Variants in IFT140 observed in about 807,000 individuals in gnomAD.
The protein encoded by IFT140 is intraflagellar transport protein 140 homolog.
Under a neutral mutation model 164.6 loss-of-function variants are expected in IFT140, and 133 were observed. That is an observed-to-expected ratio of 0.81 (90% CI 0.70 to 0.93). The LOEUF (loss-of-function observed/expected upper bound fraction) is 0.93. Among genes scored for constraint, IFT140 ranks in the 40% least tolerant of loss-of-function variants. The pLI, the probability that IFT140 is intolerant of heterozygous loss-of-function variation, is 0.00. For missense variants in IFT140, 2,045 were observed against 1,972.3 expected, an observed-to-expected ratio of 1.04 and a Z score of -0.70; for synonymous variants, 860 against 817.3, an observed-to-expected ratio of 1.05 and a Z score of -0.89.
At chr16:1,534,268 C>A (rs754653931) in intron 19 of IFT140, 1 of 1,609,792 alleles carries the variant, frequency 6.2e-7, no homozygotes, top group Non-Finnish European at 8.5e-7. Context: ...GCGGCACCGG[C>A]GTCAGCGATG....
chr16:1,561,465 GC>G (rs1174610121), intron 18 of IFT140, among the ~76,000 whole-genome samples: 4 of 152,320 alleles, frequency 2.6e-5, no homozygotes, highest in African/African-American at 7.2e-5. Context: ...GTGTCCAGAA[GC>G]CAGAACCCTA....
At chr16:1,544,761 G>C (rs925386932) in intron 19 of IFT140, among the ~76,000 whole-genome samples, 1 of 151,552 alleles carries the variant, frequency 6.6e-6, no homozygotes, top group Non-Finnish European at 1.5e-5. Context: ...CCATTCTCCT[G>C]CCTCAGCCTC....
chr16:1,593,077 T>G (rs559164728), intron 4 of IFT140, among the ~76,000 whole-genome samples: 1 of 152,192 alleles, frequency 6.6e-6, no homozygotes, highest in Non-Finnish European at 1.5e-5. Context: ...GCAGAGTGAC[T>G]GGTGGAGGGA....
At position 1,553,439 on chromosome 16, in the gene IFT140, T is replaced by C; in HGVS notation, c.2399+4496A>G. On this transcript the variant is annotated intron_variant, in intron 19 of 30. Coordinates refer to ENST00000426508, the MANE Select transcript of IFT140 (RefSeq NM_014714.4). This position sits in a 1 kb window ranked among gnomAD's most constrained non-coding sequence, Gnocchi z 4.4. ...GCGGTTGGGAGTGGAGAGACCGGCA[T>C]GAACAGACGCACAGGTGTCAACATG... 1 of 985,390 alleles carries C rather than the reference T, an allele frequency of 1.0e-6. No homozygotes were observed. The highest frequency in any genetic ancestry group is 4.7e-5 in the South Asian group (1 of 21,280). The allele number at this position is 985,390 out of a possible 1,614,324, so 61.0% of individuals were successfully genotyped here. A position where few individuals can be genotyped will look rare whatever the true frequency, so the allele number is the denominator to read the frequency against.
chr16:1,546,908 G>A (rs1255136037), intron 19 of IFT140, among the ~76,000 whole-genome samples: 2 of 152,244 alleles, frequency 1.3e-5, no homozygotes, highest in African/African-American at 4.8e-5. Context: ...ACTTGGGCTA[G>A]CATGAGGAGG....
chr16:1,591,066 C>G (rs1471332871), intron 6 of IFT140, among the ~76,000 whole-genome samples: 1 of 152,214 alleles, frequency 6.6e-6, no homozygotes, highest in Admixed American at 6.5e-5. Flanking sequence ...AGTATTACCC[C>G]CTTTTCCACA....
chr16:1,526,575 A>G, intron 20 of IFT140, 44 bp downstream of exon 20: 1 of 1,451,576 alleles, frequency 6.9e-7, no homozygotes, highest in Non-Finnish European at 9.0e-7. Context: ...TGGCTGTGGC[A>G]GGCGTGGTGC....
Position 1,553,684 on chromosome 16 carries a change from A to C in IFT140, c.2399+4251T>G. 9.3e-7 allele frequency: 1 copy of C among 1,074,300 alleles called. No individual in the cohort carries two copies. Among genetic ancestry groups the C allele is most frequent in the Non-Finnish European group, 1.1e-6 (1 of 879,488 alleles). 66.5% of individuals were successfully genotyped at this position (1,074,300 alleles called of 1,614,324 possible). A position where few individuals can be genotyped will look rare whatever the true frequency, so the allele number is the denominator to read the frequency against. Reference sequence around the variant, plus strand: ...TGGGCAGAAGCGGGGCTGGGGCTGAAGGCTGGCTGGAGGCCCCATGGCCTC... The same window carrying C: ...TGGGCAGAAGCGGGGCTGGGGCTGACGGCTGGCTGGAGGCCCCATGGCCTC... On this transcript the variant is annotated intron_variant, in intron 19 of 30. Transcript: ENST00000426508. The surrounding 1 kb of genome is among the most constrained non-coding windows in gnomAD (Gnocchi z 4.4).
intron 19 of IFT140, 104 bp downstream of exon 19, chr16:1,557,831 G>A: frequency 9.1e-7 from 1 of 1,097,328 alleles, no homozygotes; most frequent in Non-Finnish European, 1.4e-6. Flanking sequence ...GCAGTCATGA[G>A]GAGTCAAATA....
rs148678744 is a variant in IFT140, at chr16:1,520,287, G to A, written c.3717C>T (p.Ser1239=). Residue 1239 remains serine (S), a synonymous_variant, in exon 28 of 31, where the codon AGC becomes AGT. Coordinates refer to ENST00000426508, the MANE Select transcript of IFT140 (RefSeq NM_014714.4). ...TGTAGATTTCCTTCTGCCTGGACACGCTCGCGAAGAACGTGATTTTCTCCG... is the reference window on the plus strand; with the variant it reads ...TGTAGATTTCCTTCTGCCTGGACACACTCGCGAAGAACGTGATTTTCTCCG... ...GDTEKITFFA[S]VSRQKEIYIM... 34 of 1,614,072 alleles carry A rather than the reference G, an allele frequency of 2.1e-5. No individual in the cohort carries two copies. In the East Asian group the frequency reaches 2.7e-4, roughly 13 times the overall value.
At chr16:1,524,498 C>A (rs1471344668) in intron 24 of IFT140, 54 bp downstream of exon 24, 1 of 1,589,208 alleles carries the variant, frequency 6.3e-7, no homozygotes, top group Non-Finnish European at 8.5e-7. Context: ...CCACTTGAAG[C>A]TCTCCTCAGG....
At position 1,568,260 on chromosome 16, in the gene IFT140, C is replaced by T. The variant is rs373111085; in HGVS notation, c.1727G>A (p.Arg576Gln). 4.0e-5 allele frequency: 64 copies of T among 1,612,342 alleles called. No homozygotes were observed. The highest frequency in any genetic ancestry group is 6.7e-5 in the Admixed American group (4 of 59,852). Reference protein sequence around the residue: ...VPGVGGIASLRCSSSGSTISI... With the variant: ...VPGVGGIASLQCSSSGSTISI... ...GATGGTGCTCCCGCTGCTGCTGCAC[C>T]GCAGAGAAGCGATGCCCCCCACCCC... Residue 576 changes from arginine (R) to glutamine (Q), a missense_variant, in exon 15 of 31, where the codon CGG becomes CAG. Transcript: ENST00000426508.
chr16:1,604,513 G>T (rs941481095), intron 3 of IFT140: 1 of 152,404 alleles, frequency 6.6e-6, no homozygotes, highest in African/African-American at 2.4e-5. Flanking sequence ...GACAGAGCCA[G>T]ACCTGGGAGG....
At chr16:1,536,104 G>A (rs1003435215) in intron 19 of IFT140, among the ~76,000 whole-genome samples, 5 of 152,200 alleles carry the variant, frequency 3.3e-5, no homozygotes, top group African/African-American at 9.7e-5. Context: ...CCCGGGGGAG[G>A]GAGTTCCCAG....
chr16:1,597,034 C>T (rs1029042623), intron 4 of IFT140, among the ~76,000 whole-genome samples: 2 of 152,136 alleles, frequency 1.3e-5, no homozygotes, highest in African/African-American at 2.4e-5. Flanking sequence ...AAGTGGCGTG[C>T]GCTGGATGAG....
rs1178715117 is a variant in IFT140, at chr16:1,592,307, T to C, written c.503A>G (p.Gln168Arg). ...RLPPPGEDLV[Q>R]LAKAAVSGDE... is the part of the protein sequence containing the mutation. ...ACCGCTCACAGCTGCCTTTGCCAAC[T>C]GAACCAGGTCCCTGAAAGCAAACAC... The change falls in exon 6 of 31, where the codon CAG becomes CGG. Residue 168 changes from glutamine to arginine, a missense_variant. Physicochemically the swap from Gln to Arg is conservative, Grantham distance 43. Coordinates refer to ENST00000426508, the MANE Select transcript of IFT140 (RefSeq NM_014714.4). The C allele has an allele frequency of 1.9e-6, 3 of 1,614,066 alleles. No homozygotes were observed. Among genetic ancestry groups the C allele is most frequent in the South Asian group, 1.1e-5 (1 of 91,084 alleles).
At chr16:1,524,390 G>T in intron 24 of IFT140, 162 bp downstream of exon 24, 2 of 883,486 alleles carry the variant, frequency 2.3e-6, no homozygotes, top group South Asian at 1.8e-5. Context: ...GCCAGGGGTG[G>T]GCAGAGGGGT....
At chr16:1,526,846 C>G (rs1170070388) in intron 19 of IFT140, 50 bp from the exon 20 acceptor site, 9 of 1,546,624 alleles carry the variant, frequency 5.8e-6, no homozygotes, top group Non-Finnish European at 7.9e-6. Flanking sequence ...CCTCAGGGCC[C>G]CCTGGCCCTA....
chr16:1,552,872 C>G, intron 19 of IFT140: 1 of 666,986 alleles, frequency 1.5e-6, no homozygotes, highest in Non-Finnish European at 1.8e-6. Flanking sequence ...CCAGGCTGGT[C>G]TTGAACTCGT....
Sources: gnomAD v4.1 joint callset for allele counts (sites outside exome capture counted in the v4.1 genomes callset) on GRCh38, gnomAD v4.1.1 for gene constraint, Gnocchi (gnomAD v3.1) non-coding constraint, MANE v1.5 for transcripts, NCBI Gene and HGNC (gene_info 2026-07-23, HGNC 2026-07-21) for gene names.